The following NFYA variants were observed in gnomAD, a reference collection of about 807,000 sequenced individuals.
NFYA encodes the protein nuclear transcription factor Y subunit alpha, also known as CAAT-box DNA binding protein subunit A.
NFYA carries 28 observed loss-of-function variants against 52.8 expected under a neutral mutation model. That is an observed-to-expected ratio of 0.53 (90% CI 0.39 to 0.73). The LOEUF is 0.73. Ranked by LOEUF, NFYA falls within the 30% of genes least tolerant of loss-of-function variation. NFYA has a pLI of 0.00. For synonymous variants in NFYA, 150 were observed against 150.7 expected (o/e 1.00, Z 0.03); for missense variants, 234 against 427.0 (o/e 0.55, Z 3.98).
In NFYA at chr6:41,101,317, G is replaced by C. The variant is rs1764496988; in HGVS notation, c.*3907G>C. 6.6e-6 allele frequency: 1 copy of C among 152,210 alleles called. No individual in the cohort carries two copies. Among genetic ancestry groups the C allele is most frequent in the African/African-American group, 2.4e-5 (1 of 41,454 alleles). The allele number at this position is 152,210 out of a possible 1,614,324, so 9.4% of individuals were successfully genotyped here. On this transcript the variant is annotated 3_prime_UTR_variant, in exon 10 of 10. Coordinates refer to ENST00000341376, the MANE Select transcript of NFYA (RefSeq NM_002505.5). ...AAGGCACAGTTTAACTTCGTGCTGC[G>C]GCTTCCTTAGGAAACTTTGAGTATC...
chr6:41,083,122 T>C (rs1001372165), intron 3 of NFYA, among the ~76,000 whole-genome samples: 4 of 152,230 alleles, frequency 2.6e-5, no homozygotes, highest in African/African-American at 7.2e-5. Context: ...TTTGGACTAT[T>C]CCATGGATCA....
chr6:41,086,997 TCA>T (rs1268921057), intron 4 of NFYA, among the ~76,000 whole-genome samples: 3 of 152,124 alleles, frequency 2.0e-5, no homozygotes, highest in Non-Finnish European at 4.4e-5. Flanking sequence ...TTGAAATACA[TCA>T]AATAAAAGTA....
In NFYA at chr6:41,080,771, T is replaced by C. The variant is rs575168869; in HGVS notation, c.76-40T>C. 4.5e-6 allele frequency: 7 copies of C among 1,545,714 alleles called. 1 individual carries two copies. The African/African-American group carries it at 5.4e-5, about 12-fold the overall frequency. On this transcript the variant is annotated intron_variant, in intron 2 of 9. Coordinates refer to ENST00000341376, the MANE Select transcript of NFYA (RefSeq NM_002505.5). ...TCTGTGTCTTGAACTACACATTTCC[T>C]TCCTGACATATTTCAAGCTCTTCCT...
intron 3 of NFYA, 23 bp from the exon 4 acceptor site, chr6:41,084,023 G>T (rs781741048): frequency 6.1e-5 from 97 of 1,579,334 alleles, no homozygotes; most frequent in South Asian, 4.2e-4. Context: ...TTATTTCATT[G>T]TTCTTATTTT....
intron 1 of NFYA, among the ~76,000 whole-genome samples, chr6:41,074,851 T>G (rs2268188): frequency 0.39 from 59,239 of 152,056 alleles, 12,189 homozygotes; most frequent in African/African-American, 0.52. Context: ...TCTTTGGGGA[T>G]GAAGAGGAGA....
chr6:41,080,902 T>C lies in NFYA; in HGVS notation c.162+5T>C. On this transcript the variant is annotated splice_donor_5th_base_variant and intron_variant, in intron 3 of 9. Transcript: ENST00000341376. Reference sequence around the variant, plus strand: ...CAAGTCCAGACCCTCCAGGTAGTGGTACCCTCTCTGATTCTCTGTGAGCAC... The same window carrying C: ...CAAGTCCAGACCCTCCAGGTAGTGGCACCCTCTCTGATTCTCTGTGAGCAC... 6.2e-7 allele frequency: 1 copy of C among 1,612,218 alleles called. No homozygotes were observed. Among genetic ancestry groups the C allele is most frequent in the Non-Finnish European group, 8.5e-7 (1 of 1,178,274 alleles).
chr6:41,084,821 G>T (rs1299731775), intron 4 of NFYA, among the ~76,000 whole-genome samples: 6 of 152,200 alleles, frequency 3.9e-5, no homozygotes, highest in Non-Finnish European at 8.8e-5. Context: ...AATTAGCCGG[G>T]CGTGGTGGCA....
Position 41,101,105 on chromosome 6 carries a change from C to G in NFYA, c.*3695C>G, listed in dbSNP as rs1764490564. The G allele has an allele frequency of 6.6e-6, 1 of 152,272 alleles. No individual in the cohort carries two copies. The highest frequency in any genetic ancestry group is 1.5e-5 in the Non-Finnish European group (1 of 68,068). The allele number at this position is 152,272 out of a possible 1,614,324, so 9.4% of individuals were successfully genotyped here. On this transcript the variant is annotated 3_prime_UTR_variant, in exon 10 of 10. Coordinates refer to ENST00000341376, the MANE Select transcript of NFYA (RefSeq NM_002505.5). The stretch of plus-strand genomic sequence containing the variant: ...CGGCGCTGCTTCCCGACCTACTGGT[C>G]TTTCGGAAGCCTCGGGGATGGGAAC...
chr6:41,097,479 C>A lies in NFYA; in HGVS notation c.*69C>A. ...TGTTCCAGGAAATTGATCAACTCTT[C>A]CAATGGGACATTGATGATCACATTC... On this transcript the variant is annotated 3_prime_UTR_variant, in exon 10 of 10. Transcript: ENST00000341376. The A allele has an allele frequency of 6.7e-7, 1 of 1,494,714 alleles. No homozygotes were observed. Among genetic ancestry groups the A allele is most frequent in the South Asian group, 1.1e-5 (1 of 87,904 alleles). The allele number at this position is 1,494,714 out of a possible 1,614,324, so 92.6% of individuals were successfully genotyped here.
intron 8 of NFYA, among the ~76,000 whole-genome samples, chr6:41,093,755 G>A (rs1260978733): frequency 6.6e-6 from 1 of 152,232 alleles, no homozygotes; most frequent in Non-Finnish European, 1.5e-5. Context: ...ATAGGCGTGA[G>A]CCACCATACC....
At chr6:41,093,979 CA>C (rs1764275002) in intron 8 of NFYA, among the ~76,000 whole-genome samples, 1 of 152,126 alleles carries the variant, frequency 6.6e-6, no homozygotes, top group Non-Finnish European at 1.5e-5. Context: ...ATGATCATGC[CA>C]CTGCAGTCCA....
rs202006916 is a variant in NFYA, at chr6:41,089,098, C to G, written c.310-481C>G. Among the ~76,000 whole-genome samples the G allele has an allele frequency of 2.0e-5, 3 of 152,254 alleles. No individual in the cohort carries two copies. The East Asian group carries it at 5.8e-4, about 29-fold the overall frequency. On this transcript the variant is annotated intron_variant, in intron 4 of 9. Transcript: ENST00000341376. The stretch of plus-strand genomic sequence containing the variant: ...CCTCCGGTTCAAGTGATTTTCCGGC[C>G]TCAGTCTCCCAAGTAGCTGGGATTA...
At position 41,080,812 on chromosome 6, in the gene NFYA, A is replaced by G. The variant is rs751561001; in HGVS notation, c.77A>G (p.Gln26Arg). 1 of 1,613,282 alleles carries G rather than the reference A, an allele frequency of 6.2e-7. No homozygotes were observed. The highest frequency in any genetic ancestry group is 2.2e-5 in the East Asian group (1 of 44,858). ...AGCTCTTCCTGTTCCTGTTCTCAGC[A>G]GCAGGGTGGTGTCACTGCTGTGCAG... ...VVQAGQIQQQ[Q>R]QGGVTAVQLQ... The change falls in exon 3 of 10, where the codon CAG becomes CGG. Residue 26 changes from glutamine to arginine, a missense_variant and splice_region_variant. Physicochemically the swap from Gln to Arg is conservative, Grantham distance 43 (BLOSUM62 1). Coordinates refer to ENST00000341376, the MANE Select transcript of NFYA (RefSeq NM_002505.5).
chr6:41,101,053 C>G lies in NFYA; in HGVS notation c.*3643C>G, dbSNP rs934227353. On this transcript the variant is annotated 3_prime_UTR_variant, in exon 10 of 10. Transcript: ENST00000341376. ...ACCGGCGAGCGGCATGCGACGCCGC[C>G]TCTGTGGCCTGTGGAGGCCCGCTTG... is the stretch of plus-strand genomic sequence containing the variant. The G allele has an allele frequency of 6.6e-6, 1 of 152,288 alleles. No individual in the cohort carries two copies. 9.4% of individuals were successfully genotyped at this position (152,288 alleles called of 1,614,324 possible).
chr6:41,101,830 A>G lies in NFYA; in HGVS notation c.*4420A>G, dbSNP rs1764509326. Among the ~76,000 whole-genome samples the G allele has an allele frequency of 6.6e-6, 1 of 152,220 alleles. No individual in the cohort carries two copies. The highest frequency in any genetic ancestry group is 2.4e-5 in the African/African-American group (1 of 41,460). On this transcript the variant is annotated 3_prime_UTR_variant, in exon 10 of 10. Transcript: ENST00000341376. Reference sequence around the variant, plus strand: ...AGAGAGGGTGGTCCTTTGGATTCCCAGTGGCAGCAGCAACCAACCTGGCCC... The same window carrying G: ...AGAGAGGGTGGTCCTTTGGATTCCCGGTGGCAGCAGCAACCAACCTGGCCC...
intron 4 of NFYA, among the ~76,000 whole-genome samples, chr6:41,085,519 T>G (rs1764021658): frequency 6.6e-6 from 1 of 152,178 alleles, no homozygotes; most frequent in South Asian, 2.1e-4. Flanking sequence ...ATGTTTATAG[T>G]CATGGAAAAG....
intron 3 of NFYA, among the ~76,000 whole-genome samples, chr6:41,081,592 C>T (rs1045172577): frequency 2.0e-5 from 3 of 152,122 alleles, no homozygotes; most frequent in Admixed American, 1.3e-4. Flanking sequence ...GAAATATATA[C>T]ATATACAGAC....
intron 2 of NFYA, 91 bp downstream of exon 2, chr6:41,079,255 T>A (rs982830724): frequency 4.0e-5 from 48 of 1,200,864 alleles, no homozygotes; most frequent in Middle Eastern, 1.9e-4. Flanking sequence ...GGGAATTATT[T>A]GAAAGATACC....
rs148881400 is a variant in NFYA at position 41,096,281 on chromosome 6, A to G, written c.991-1076A>G. The stretch of plus-strand genomic sequence containing the variant: ...ACTAACAACTCTTTCAGTGCTATTA[A>G]TCCTCACCTGTAGTGTGAGAGCCCC... On this transcript the variant is annotated intron_variant, in intron 9 of 9. Coordinates refer to ENST00000341376, the MANE Select transcript of NFYA (RefSeq NM_002505.5). Among the ~76,000 whole-genome samples, 622 of 152,294 alleles carry G rather than the reference A, an allele frequency of 4.1e-3. 12 individuals are homozygous for G. The South Asian group carries it at 0.063, about 15-fold the overall frequency.
Sources: gnomAD v4.1 joint callset for allele counts (sites outside exome capture counted in the v4.1 genomes callset) on GRCh38, gnomAD v4.1.1 for gene constraint, MANE v1.5 for transcripts, NCBI Gene and HGNC (gene_info 2026-07-23, HGNC 2026-07-21) for gene names.